RASA3: variants seen among roughly 807,000 people sequenced by gnomAD.
RASA3 encodes RAS p21 protein activator 3.
RASA3 carries 73 observed loss-of-function variants against 110.0 expected under a neutral mutation model. That is an observed-to-expected ratio of 0.66 (90% CI 0.55 to 0.81). RASA3 has a LOEUF of 0.81. Among genes scored for constraint, RASA3 ranks in the 30% least tolerant of loss-of-function variants. The pLI is 0.00. For missense variants in RASA3, 976 were observed against 1,113.2 expected (o/e 0.88, Z 1.75); for synonymous variants, 500 against 451.4 (o/e 1.11, Z -1.37).
Position 114,065,156 on chromosome 13 carries a change from G to A in RASA3, c.173+8564C>T, listed in dbSNP as rs201545841. ...GAATTCCTCCTCCTCCTGGAGCCTGGAGCAGGGGCTCAGCTGGGACCAGCA... is the reference window on the plus strand; with the variant it reads ...GAATTCCTCCTCCTCCTGGAGCCTGAAGCAGGGGCTCAGCTGGGACCAGCA... On this transcript the variant is annotated intron_variant, in intron 2 of 23. Transcript: ENST00000334062. This position sits in a 1 kb window ranked among gnomAD's most constrained non-coding sequence, Gnocchi z 4.1. Among the ~76,000 whole-genome samples the A allele has an allele frequency of 1.3e-5, 2 of 152,224 alleles. No homozygotes were observed. The highest frequency in any genetic ancestry group is 3.8e-4 in the East Asian group (2 of 5,196).
intron 21 of RASA3, among the ~76,000 whole-genome samples, chr13:113,994,518 C>A (rs939989378): frequency 4.0e-5 from 6 of 151,836 alleles, no homozygotes; most frequent in African/African-American, 1.5e-4. Context: ...ACATCCCTGG[C>A]CAGTCAGGGA....
At chr13:114,016,962 C>T (rs4883661) in intron 12 of RASA3, among the ~76,000 whole-genome samples, 80,827 of 151,976 alleles carry the variant, frequency 0.53, 22,506 homozygotes, top group African/African-American at 0.69. Flanking sequence ...AGAAGGTCTC[C>T]CTGGGAAGAG....
intron 8 of RASA3, 42 bp downstream of exon 8, chr13:114,024,237 T>C: frequency 6.3e-7 from 1 of 1,578,702 alleles, no homozygotes; most frequent in Non-Finnish European, 8.7e-7. Flanking sequence ...GGAGTTTGGG[T>C]GAAAACTGCC....
At chr13:114,128,075 A>T (rs1326554935) in intron 1 of RASA3, among the ~76,000 whole-genome samples, 2 of 152,276 alleles carry the variant, frequency 1.3e-5, no homozygotes, top group African/African-American at 4.8e-5. Flanking sequence ...CTTCGTCCTC[A>T]GGGGTTAAAA....
chr13:114,024,704 G>A (rs1020294163), intron 7 of RASA3, among the ~76,000 whole-genome samples: 6 of 152,194 alleles, frequency 3.9e-5, no homozygotes, highest in African/African-American at 1.4e-4. Flanking sequence ...GAGGGAGGGA[G>A]GGTCCCCTCT....
In RASA3 at chr13:113,978,605, A is replaced by G. The variant is rs1234500246; in HGVS notation, c.*742T>C. The stretch of plus-strand genomic sequence containing the variant: ...TCAACAGCAAAACGATGTGGGCTTC[A>G]ACTGTGGGCTCCGCAGACGCCTGGA... On this transcript the variant is annotated 3_prime_UTR_variant, in exon 24 of 24. Transcript: ENST00000334062. 1 of 152,220 alleles carries G rather than the reference A, an allele frequency of 6.6e-6. No homozygotes were observed. Among genetic ancestry groups the G allele is most frequent in the Non-Finnish European group, 1.5e-5 (1 of 68,044 alleles). 9.4% of individuals were successfully genotyped at this position (152,220 alleles called of 1,614,324 possible).
intron 8 of RASA3, among the ~76,000 whole-genome samples, chr13:114,022,049 G>A (rs944894737): frequency 1.3e-5 from 2 of 152,174 alleles, no homozygotes; most frequent in Non-Finnish European, 2.9e-5. Flanking sequence ...TGCACGGCGG[G>A]CAAATGTAGA....
intron 1 of RASA3, among the ~76,000 whole-genome samples, chr13:114,110,295 G>T (rs1231257448): frequency 1.3e-5 from 2 of 152,300 alleles, no homozygotes; most frequent in Middle Eastern, 6.8e-3. Flanking sequence ...AGACAGACCC[G>T]GGCCCCTGAC....
chr13:113,995,263 G>A (rs1435026014), intron 21 of RASA3, among the ~76,000 whole-genome samples: 1 of 152,254 alleles, frequency 6.6e-6, no homozygotes, highest in African/African-American at 2.4e-5. Context: ...CCTGGGATGC[G>A]AGGACATGGG....
intron 16 of RASA3, among the ~76,000 whole-genome samples, chr13:114,010,413 C>T (rs568054801): frequency 7.2e-5 from 11 of 152,104 alleles, no homozygotes; most frequent in Non-Finnish European, 1.2e-4. Flanking sequence ...GCACTGCCCC[C>T]GGGACGCCTC....
chr13:113,981,290 C>A (rs569603995), intron 23 of RASA3, among the ~76,000 whole-genome samples: 1 of 152,338 alleles, frequency 6.6e-6, no homozygotes, highest in South Asian at 2.1e-4. Flanking sequence ...TGGCCCTGCT[C>A]CCGGGCACCA....
chr13:114,038,234 G>A (rs925517506), intron 4 of RASA3, among the ~76,000 whole-genome samples: 10 of 152,242 alleles, frequency 6.6e-5, no homozygotes, highest in African/African-American at 1.9e-4. Flanking sequence ...TAGAAGAGCT[G>A]GGGAACTCGC....
In RASA3 at chr13:114,118,198, T is replaced by C. The variant is rs192244806; in HGVS notation, c.55+14237A>G. Among the ~76,000 whole-genome samples the C allele has an allele frequency of 4.5e-4, 69 of 152,174 alleles. 1 individual carries two copies. The East Asian group carries it at 0.01, about 23-fold the overall frequency. Reference sequence around the variant, plus strand: ...ATAATAACTTGGAAGGCACAGCCAATATTTCCCTTATATCCTGGGACAGCC... The same window carrying C: ...ATAATAACTTGGAAGGCACAGCCAACATTTCCCTTATATCCTGGGACAGCC... On this transcript the variant is annotated intron_variant, in intron 1 of 23. Coordinates refer to ENST00000334062, the MANE Select transcript of RASA3 (RefSeq NM_007368.4).
intron 3 of RASA3, among the ~76,000 whole-genome samples, chr13:114,051,738 A>G (rs2079150753): frequency 7.0e-6 from 1 of 143,304 alleles, no homozygotes. Flanking sequence ...AGGTCCCCCC[A>G]CAGATGCCCC....
In RASA3 at chr13:113,980,053, C is replaced by G. The variant is rs866909794; in HGVS notation, c.2430-631G>C. Among the ~76,000 whole-genome samples the G allele has an allele frequency of 8.7e-3, 1,240 of 143,022 alleles. 13 individuals carry two copies. Among genetic ancestry groups the G allele is most frequent in the Non-Finnish European group, 0.013 (852 of 65,506 alleles). 93.8% of individuals were successfully genotyped at this position (143,022 alleles called of 152,430 possible). A position where few individuals can be genotyped will look rare whatever the true frequency, so the allele number is the denominator to read the frequency against. ...CTGTGTGTGCACCTCTGTGTGCCTC[C>G]TGTGTGCACCTCCTCCCATGTGTGT... is the stretch of plus-strand genomic sequence containing the variant. On this transcript the variant is annotated intron_variant, in intron 23 of 23. Coordinates refer to ENST00000334062, the MANE Select transcript of RASA3 (RefSeq NM_007368.4).
chr13:114,124,492 A>C (rs2183244), intron 1 of RASA3, among the ~76,000 whole-genome samples: 1 of 152,122 alleles, frequency 6.6e-6, no homozygotes, highest in Non-Finnish European at 1.5e-5. Context: ...TCTGAAACTC[A>C]TATCTACAGC....
intron 4 of RASA3, among the ~76,000 whole-genome samples, chr13:114,039,408 G>A (rs2054348911): frequency 6.6e-6 from 1 of 151,850 alleles, no homozygotes; most frequent in Admixed American, 6.6e-5. Context: ...GCGTCCCAAG[G>A]GCGCTGTGCC....
intron 1 of RASA3, among the ~76,000 whole-genome samples, chr13:114,082,780 C>T (rs928833678): frequency 1.3e-5 from 2 of 152,214 alleles, no homozygotes; most frequent in Admixed American, 1.3e-4. Context: ...AGAGGTTTAA[C>T]AACCTGGTTC....
intron 1 of RASA3, among the ~76,000 whole-genome samples, chr13:114,080,276 C>T (rs2079761814): frequency 6.6e-6 from 1 of 152,204 alleles, no homozygotes; most frequent in African/African-American, 2.4e-5. Flanking sequence ...ATCCTCCTGG[C>T]CGGGAGGGGC....
Sources: allele counts gnomAD v4.1 joint callset (sites outside exome capture counted in the v4.1 genomes callset), GRCh38; gene constraint gnomAD v4.1.1; non-coding constraint Gnocchi (gnomAD v3.1); transcripts MANE v1.5; gene names NCBI Gene and HGNC (gene_info 2026-07-23, HGNC 2026-07-21).